TCERG1L: variants seen among roughly 807,000 people sequenced by gnomAD.
TCERG1L encodes the protein transcription elongation regulator 1-like protein.
Under a neutral mutation model 56.3 loss-of-function variants are expected in TCERG1L, and 37 were observed. That is an observed-to-expected ratio of 0.66 (90% CI 0.51 to 0.87). TCERG1L has a LOEUF of 0.87. TCERG1L is among the 40% of genes least tolerant of loss of function. The pLI, the probability that TCERG1L is intolerant of heterozygous loss-of-function variation, is 0.00. For missense variants in TCERG1L, 799 were observed against 774.2 expected, an observed-to-expected ratio of 1.03 and a Z score of -0.38; for synonymous variants, 324 against 326.3, an observed-to-expected ratio of 0.99 and a Z score of 0.08.
At chr10:131,149,953 C>T (rs1454181380) in intron 6 of TCERG1L, among the ~76,000 whole-genome samples, 3 of 152,208 alleles carry the variant, frequency 2.0e-5, no homozygotes, top group Non-Finnish European at 4.4e-5. Flanking sequence ...GGAAAGGCAG[C>T]CCCAAGCCTG....
rs141916943 is a variant in TCERG1L, at chr10:131,236,331, C to T, written c.856+23928G>A. Among the ~76,000 whole-genome samples, 116 of 152,266 alleles carry T rather than the reference C, an allele frequency of 7.6e-4. No homozygotes were observed. The East Asian group carries it at 0.02, about 26-fold the overall frequency. On this transcript the variant is annotated intron_variant, in intron 4 of 11. Coordinates refer to ENST00000368642, the MANE Select transcript of TCERG1L (RefSeq NM_174937.4). ...CTACCTTTTTTTCCCCCAAACAATT[C>T]GATTAAAACTGCCATTTGTTCATCA...
intron 4 of TCERG1L, among the ~76,000 whole-genome samples, chr10:131,212,061 G>A (rs1418255373): frequency 6.6e-6 from 1 of 152,110 alleles, no homozygotes; most frequent in Non-Finnish European, 1.5e-5. Context: ...GTGCTATGGG[G>A]CCACATTATC....
At chr10:131,273,631 G>A (rs1046879828) in intron 3 of TCERG1L, among the ~76,000 whole-genome samples, 64 of 152,182 alleles carry the variant, frequency 4.2e-4, no homozygotes, top group African/African-American at 1.5e-3. Context: ...CTCATTTGCC[G>A]AGAGGAGGCT....
In TCERG1L at chr10:131,267,335, C is replaced by T. The variant is rs904223269; in HGVS notation, c.671-6891G>A. On this transcript the variant is annotated intron_variant, in intron 3 of 11. Coordinates refer to ENST00000368642, the MANE Select transcript of TCERG1L (RefSeq NM_174937.4). The surrounding 1 kb of genome is among the most constrained non-coding windows in gnomAD (Gnocchi z 4.9). Reference sequence around the variant, plus strand: ...CCCTACTCTAGGATCGGAGTAAGCACTGGAAGCAGGGAGAGGCCAGGCAGC... The same window carrying T: ...CCCTACTCTAGGATCGGAGTAAGCATTGGAAGCAGGGAGAGGCCAGGCAGC... Among the ~76,000 whole-genome samples, 7 of 152,208 alleles carry T rather than the reference C, an allele frequency of 4.6e-5. No homozygotes were observed. The highest frequency in any genetic ancestry group is 1.7e-4 in the African/African-American group (7 of 41,454).
At chr10:131,101,935 C>T (rs1311771751) in intron 10 of TCERG1L, among the ~76,000 whole-genome samples, 2 of 152,210 alleles carry the variant, frequency 1.3e-5, no homozygotes, top group African/African-American at 4.8e-5. Context: ...CTCCTGACCT[C>T]AGATGATCCG....
chr10:131,131,183 CTCA>C (rs1845614670), intron 8 of TCERG1L, among the ~76,000 whole-genome samples: 1 of 152,166 alleles, frequency 6.6e-6, no homozygotes, highest in South Asian at 2.1e-4. Context: ...GTTTCTGATG[CTCA>C]GGCGTTCATT....
intron 4 of TCERG1L, among the ~76,000 whole-genome samples, chr10:131,213,493 G>A (rs1019473916): frequency 3.3e-5 from 5 of 152,198 alleles, no homozygotes; most frequent in African/African-American, 7.2e-5. Flanking sequence ...AGCTAGGCAC[G>A]TGGGATCAAG....
At chr10:131,295,739 T>A (rs898163497) in intron 3 of TCERG1L, among the ~76,000 whole-genome samples, 1 of 152,202 alleles carries the variant, frequency 6.6e-6, no homozygotes, top group Admixed American at 6.5e-5. Flanking sequence ...ACATTCAATA[T>A]TCCAATAACC....
Position 131,267,898 on chromosome 10 carries a change from C to T in TCERG1L, c.671-7454G>A, listed in dbSNP as rs1395101319. Among the ~76,000 whole-genome samples the T allele has an allele frequency of 6.6e-6, 1 of 152,216 alleles. No individual in the cohort carries two copies. Among genetic ancestry groups the T allele is most frequent in the Admixed American group, 6.5e-5 (1 of 15,290 alleles). ...CAAGGGTGATGTTGCCACAAGTTCC[C>T]CGGGGGCCCTAGTGCTCAGGGGTGG... On this transcript the variant is annotated intron_variant, in intron 3 of 11. Transcript: ENST00000368642. This position sits in a 1 kb window ranked among gnomAD's most constrained non-coding sequence, Gnocchi z 4.9.
At chr10:131,093,621 C>T (rs561121312) in intron 11 of TCERG1L, among the ~76,000 whole-genome samples, 3 of 152,308 alleles carry the variant, frequency 2.0e-5, no homozygotes, top group South Asian at 2.1e-4. Flanking sequence ...CCCCCAGCCG[C>T]CCCGATCACA....
chr10:131,170,800 A>C (rs1319715101), intron 4 of TCERG1L, among the ~76,000 whole-genome samples: 1 of 152,174 alleles, frequency 6.6e-6, no homozygotes, highest in African/African-American at 2.4e-5. Flanking sequence ...CCAGGGGAAA[A>C]GTATTCAACA....
intron 5 of TCERG1L, among the ~76,000 whole-genome samples, chr10:131,165,434 T>C (rs1371688861): frequency 6.6e-6 from 1 of 152,374 alleles, no homozygotes; most frequent in East Asian, 1.9e-4. Context: ...ACATTATCTT[T>C]AAGTTTGTAA....
intron 4 of TCERG1L, among the ~76,000 whole-genome samples, chr10:131,241,526 G>C (rs1845972077): frequency 6.6e-6 from 1 of 152,010 alleles, no homozygotes; most frequent in Non-Finnish European, 1.5e-5. Flanking sequence ...GGACATGCAT[G>C]AACACAGTGG....
chr10:131,235,242 AT>A (rs781420229), intron 4 of TCERG1L, among the ~76,000 whole-genome samples: 1 of 152,214 alleles, frequency 6.6e-6, no homozygotes, highest in Non-Finnish European at 1.5e-5. Context: ...TTCTAAGGCA[AT>A]TTCAATGATG....
chr10:131,292,089 T>C (rs1846634227), intron 3 of TCERG1L, among the ~76,000 whole-genome samples: 1 of 152,224 alleles, frequency 6.6e-6, no homozygotes, highest in Admixed American at 6.5e-5. Flanking sequence ...TAGGATTTCA[T>C]ATTTCTATTT....
intron 6 of TCERG1L, 67 bp from the exon 7 acceptor site, chr10:131,146,727 AAC>A: frequency 6.6e-7 from 1 of 1,521,800 alleles, no homozygotes; most frequent in Non-Finnish European, 8.9e-7. Context: ...CGTTAGCATG[AAC>A]TCTCACTGAA....
chr10:131,295,858 G>C (rs968159231), intron 3 of TCERG1L, among the ~76,000 whole-genome samples: 5 of 152,130 alleles, frequency 3.3e-5, no homozygotes, highest in African/African-American at 1.2e-4. Context: ...CAATTTTGTA[G>C]ACTTTCACAA....
chr10:131,268,097 C>A (rs565455600), intron 3 of TCERG1L, among the ~76,000 whole-genome samples: 1 of 152,222 alleles, frequency 6.6e-6, no homozygotes, highest in South Asian at 2.1e-4. Flanking sequence ...CACGGGAATG[C>A]CCTGCTCCAT....
intron 3 of TCERG1L, among the ~76,000 whole-genome samples, chr10:131,279,935 G>A (rs1846433122): frequency 6.6e-6 from 1 of 152,114 alleles, no homozygotes; most frequent in Admixed American, 6.5e-5. Context: ...TGACAGGTGA[G>A]AGTTTCTCCA....
Sources: gnomAD v4.1 joint callset for allele counts (sites outside exome capture counted in the v4.1 genomes callset) on GRCh38, gnomAD v4.1.1 for gene constraint, Gnocchi (gnomAD v3.1) non-coding constraint, MANE v1.5 for transcripts, NCBI Gene and HGNC (gene_info 2026-07-23, HGNC 2026-07-21) for gene names.